The following DOCK7 variants were observed in gnomAD, a reference collection of about 807,000 sequenced individuals.
DOCK7 encodes the protein dedicator of cytokinesis 7, also known as dedicator of cytokinesis protein 7.
A neutral mutation model predicts 271.0 loss-of-function variants in DOCK7; 138 were observed. The observed-to-expected ratio is 0.51, with a 90% CI of 0.44 to 0.59. The LOEUF is 0.59. Ranked by LOEUF, DOCK7 falls within the 20% of genes least tolerant of loss-of-function variation. The pLI is 0.00. For synonymous variants in DOCK7, 823 were observed against 876.1 expected, an observed-to-expected ratio of 0.94 and a Z score of 1.07; for missense variants, 2,066 against 2,592.4, an observed-to-expected ratio of 0.80 and a Z score of 4.41.
Position 62,688,279 on chromosome 1 carries a change from C to CGGT in DOCK7, c.-16_-15insACC, listed in dbSNP as rs750085406. The CGGT allele has an allele frequency of 8.8e-5, 112 of 1,274,468 alleles. No homozygotes were observed. The South Asian group carries it at 2.4e-3, about 28-fold the overall frequency. The allele number at this position is 1,274,468 out of a possible 1,614,324, so 78.9% of individuals were successfully genotyped here. A position where few individuals can be genotyped will look rare whatever the true frequency, so the allele number is the denominator to read the frequency against. ...CGCTCGGCCATGGCTGCTGCGGCGA[C>CGGT]GGCGACGGCGGCGGCGGCTGCGGCG... is the stretch of plus-strand genomic sequence containing the variant. On this transcript the variant is annotated 5_prime_UTR_variant, in exon 1 of 50. Coordinates refer to ENST00000635253, the MANE Select transcript of DOCK7 (RefSeq NM_001367561.1).
At chr1:62,562,157 T>A (rs1646344440) in intron 18 of DOCK7, among the ~76,000 whole-genome samples, 1 of 151,904 alleles carries the variant, frequency 6.6e-6, no homozygotes, top group Admixed American at 6.6e-5. Flanking sequence ...TATTTCATTT[T>A]AAACATTTCT....
At chr1:62,635,631 T>C (rs1375885779) in intron 8 of DOCK7, 1 of 151,950 alleles carries the variant, frequency 6.6e-6, no homozygotes, top group Non-Finnish European at 1.5e-5. Flanking sequence ...TTATGAATAA[T>C]ATCCCAGCAG....
At chr1:62,527,874 T>A (rs368228173) in intron 31 of DOCK7, among the ~76,000 whole-genome samples, 202 of 135,320 alleles carry the variant, frequency 1.5e-3, no homozygotes, top group Non-Finnish European at 1.7e-3. Flanking sequence ...ACTTAAAGTA[T>A]AAAAAAAAAA....
chr1:62,539,566 A>C lies in DOCK7; in HGVS notation c.3279T>G (p.Leu1093=). ...SVMDRGFVFS[L]IKSCYKQVSS... is the part of the protein sequence containing the mutation. ...TTACCTGTTTATAGCAGGACTTTAT[A>C]AGGCTAAAAACAAATCCTCTGTCCA... is the stretch of plus-strand genomic sequence containing the variant. Residue 1093 remains leucine, a synonymous_variant, in exon 27 of 50, where the codon CTT becomes CTG. Coordinates refer to ENST00000635253, the MANE Select transcript of DOCK7 (RefSeq NM_001367561.1). 6.2e-7 allele frequency: 1 copy of C among 1,612,186 alleles called. No homozygotes were observed. The highest frequency in any genetic ancestry group is 8.5e-7 in the Non-Finnish European group (1 of 1,179,410).
Position 62,677,355 on chromosome 1 carries a change from C to G in DOCK7, c.38+10872G>C, listed in dbSNP as rs573041700. On this transcript the variant is annotated intron_variant, in intron 1 of 49. Transcript: ENST00000635253. ...CAATAACTGAGTCCTTGGATCTTTT[C>G]TGCCACAACTAAACTGGGAGGATTT... 2.0e-5 allele frequency among the ~76,000 whole-genome samples: 3 copies of G among 152,268 alleles called. No homozygotes were observed. The South Asian group carries it at 6.2e-4, about 32-fold the overall frequency.
intron 48 of DOCK7, among the ~76,000 whole-genome samples, chr1:62,461,320 T>G (rs994648869): frequency 1.3e-5 from 2 of 151,964 alleles, no homozygotes; most frequent in Non-Finnish European, 2.9e-5. Context: ...AGATAATAAT[T>G]CTAATAAGAT....
intron 13 of DOCK7, 76 bp from the exon 14 acceptor site, chr1:62,618,944 G>T (rs1213073004): frequency 2.2e-6 from 3 of 1,372,634 alleles, no homozygotes; most frequent in South Asian, 2.7e-5. Flanking sequence ...AAAGGACTTG[G>T]ATCCTATTTT....
At chr1:62,621,465 T>A (rs1352110461) in intron 12 of DOCK7, among the ~76,000 whole-genome samples, 1 of 152,226 alleles carries the variant, frequency 6.6e-6, no homozygotes, top group African/African-American at 2.4e-5. Context: ...TTATGCATAT[T>A]TCATATATTG....
chr1:62,681,985 G>A (rs186042397), intron 1 of DOCK7, among the ~76,000 whole-genome samples: 174 of 152,154 alleles, frequency 1.1e-3, no homozygotes, highest in South Asian at 2.5e-3. Context: ...TCAGAATGGT[G>A]GACTGGAGTA....
intron 11 of DOCK7, chr1:62,628,908 T>G (rs1557827298): frequency 6.6e-6 from 1 of 152,062 alleles, no homozygotes; most frequent in Non-Finnish European, 1.5e-5. Flanking sequence ...ACCAAAGCCA[T>G]TAAAAAATGA....
intron 18 of DOCK7, among the ~76,000 whole-genome samples, chr1:62,571,905 G>A (rs374712503): frequency 6.6e-6 from 1 of 152,094 alleles, no homozygotes; most frequent in Non-Finnish European, 1.5e-5. Context: ...CCTGTCGTTG[G>A]GGGGAGTGTG....
At position 62,618,822 on chromosome 1, in the gene DOCK7, A is replaced by G. The variant is rs746887369; in HGVS notation, c.1566T>C (p.Tyr522=). ...DISPAPENPH[Y]CLTPELLQVK... is the part of the protein sequence containing the mutation. ...CTTGAAGCAGCTCCGGAGTTAGGCA[A>G]TAATGGGGATTTTCAGGTGCGGGAG... Residue 522 remains tyrosine, a synonymous_variant, in exon 14 of 50, where the codon TAT becomes TAC. Transcript: ENST00000635253. 4.3e-6 allele frequency: 7 copies of G among 1,613,762 alleles called. No homozygotes were observed. In the East Asian group the frequency reaches 1.6e-4, roughly 36 times the overall value.
intron 1 of DOCK7, among the ~76,000 whole-genome samples, chr1:62,672,334 C>T (rs1660109748): frequency 6.6e-6 from 1 of 152,094 alleles, no homozygotes; most frequent in African/African-American, 2.4e-5. Flanking sequence ...ATTTGTCAGG[C>T]ACTTACAACG....
At chr1:62,560,492 C>T (rs900245089) in intron 19 of DOCK7, among the ~76,000 whole-genome samples, 1 of 152,158 alleles carries the variant, frequency 6.6e-6, no homozygotes, top group Non-Finnish European at 1.5e-5. Flanking sequence ...ATAACTGCTT[C>T]CCCTTAGCAT....
rs569991709 is a variant in DOCK7, at chr1:62,499,784, T to C, written c.4765-3287A>G. 5.3e-5 allele frequency among the ~76,000 whole-genome samples: 8 copies of C among 151,962 alleles called. No homozygotes were observed. In the South Asian group the frequency reaches 1.5e-3, roughly 28 times the overall value. ...GCCCCAGCTACTTGGGAGGCTGAGG[T>C]GGGAGGATCCCTTTAGCCCAGGAGT... On this transcript the variant is annotated intron_variant, in intron 37 of 49. Transcript: ENST00000635253.
intron 43 of DOCK7, chr1:62,485,482 G>T: frequency 2.0e-6 from 2 of 985,364 alleles, no homozygotes; most frequent in South Asian, 9.4e-5. Context: ...TGGGGAGCAA[G>T]TTATCAATTC....
At chr1:62,600,462 T>A (rs867394214) in intron 14 of DOCK7, among the ~76,000 whole-genome samples, 44 of 151,834 alleles carry the variant, frequency 2.9e-4, no homozygotes, top group African/African-American at 1.0e-3. Flanking sequence ...TATTATATAT[T>A]CTGCTTTTCT....
intron 2 of DOCK7, among the ~76,000 whole-genome samples, chr1:62,660,119 A>G (rs1396890159): frequency 1.3e-5 from 2 of 152,188 alleles, no homozygotes; most frequent in Non-Finnish European, 1.5e-5. Context: ...CAGAATATAC[A>G]TTCTTTACAA....
At chr1:62,659,193 C>A (rs1228086997) in intron 2 of DOCK7, among the ~76,000 whole-genome samples, 1 of 152,150 alleles carries the variant, frequency 6.6e-6, no homozygotes, top group Non-Finnish European at 1.5e-5. Flanking sequence ...CTTTCCTTTT[C>A]CTCTTGACTT....
Sources: gnomAD v4.1 joint callset for allele counts (sites outside exome capture counted in the v4.1 genomes callset) on GRCh38, gnomAD v4.1.1 for gene constraint, MANE v1.5 for transcripts, NCBI Gene and HGNC (gene_info 2026-07-23, HGNC 2026-07-21) for gene names.